Variants in NEK6 observed in about 807,000 individuals in gnomAD.
The protein encoded by NEK6 is serine/threonine-protein kinase Nek6.
A neutral mutation model predicts 43.5 loss-of-function variants in NEK6; 27 were observed. The observed-to-expected ratio is 0.62, with a 90% CI of 0.46 to 0.86. NEK6 has a LOEUF of 0.86. Ranked by LOEUF, NEK6 falls within the 40% of genes least tolerant of loss-of-function variation. The probability of loss-of-function intolerance (pLI) is 0.00; values close to 1 mark genes in which losing one functional copy is unlikely to be tolerated. For missense variants in NEK6, 318 were observed against 414.4 expected (o/e 0.77, Z 2.02); for synonymous variants, 167 against 164.1 (o/e 1.02, Z -0.14).
At chr9:124,315,750 G>A (rs113005987) in intron 4 of NEK6, among the ~76,000 whole-genome samples, 2,734 of 152,302 alleles carry the variant, frequency 0.018, 80 homozygotes, top group African/African-American at 0.063. Context: ...TGAGCCTGGC[G>A]TAAACCCACA....
chr9:124,289,979 C>T (rs1489083249), intron 1 of NEK6, among the ~76,000 whole-genome samples: 1 of 152,248 alleles, frequency 6.6e-6, no homozygotes, highest in East Asian at 1.9e-4. Context: ...TGGCCACATA[C>T]TTCCTAAGCC....
chr9:124,341,438 G>GTGGAACTGGTGCTTT, intron 8 of NEK6, among the ~76,000 whole-genome samples: 1 of 5,086 alleles, frequency 2.0e-4, no homozygotes, highest in Non-Finnish European at 3.0e-3. Context: ...ACAAGAGGGT[G>GTGGAACTGGTGCTTT]GGACCCCTTC....
intron 1 of NEK6, among the ~76,000 whole-genome samples, chr9:124,293,934 C>T (rs56141370): frequency 0.073 from 11,046 of 152,312 alleles, 520 homozygotes; most frequent in Non-Finnish European, 0.11. Flanking sequence ...AAGAAGGGGC[C>T]TTGGTGCCCC....
intron 1 of NEK6, among the ~76,000 whole-genome samples, chr9:124,266,696 A>G (rs1003017972): frequency 6.6e-6 from 1 of 152,236 alleles, no homozygotes; most frequent in Admixed American, 6.5e-5. Flanking sequence ...TGTGCCTGAC[A>G]CATAGGAGGA....
chr9:124,287,299 C>T (rs1832209291), intron 1 of NEK6, among the ~76,000 whole-genome samples: 1 of 152,188 alleles, frequency 6.6e-6, no homozygotes, highest in Non-Finnish European at 1.5e-5. Flanking sequence ...CCTGGTTGGG[C>T]CTGGGAATTC....
intron 1 of NEK6, among the ~76,000 whole-genome samples, chr9:124,268,074 A>C (rs1015699074): frequency 4.6e-5 from 7 of 152,198 alleles, no homozygotes; most frequent in Admixed American, 4.6e-4. Flanking sequence ...GGCATCTTTG[A>C]AATTACCCAG....
chr9:124,297,523 C>G (rs1479264010), intron 1 of NEK6, among the ~76,000 whole-genome samples: 1 of 152,220 alleles, frequency 6.6e-6, no homozygotes, highest in Non-Finnish European at 1.5e-5. Flanking sequence ...TGCCTGGGGA[C>G]ACACAGCACA....
chr9:124,326,207 C>G lies in NEK6; in HGVS notation c.406-123C>G, dbSNP rs536800113. The G allele has an allele frequency of 8.8e-5, 16 of 182,516 alleles. No individual in the cohort carries two copies. The highest frequency in any genetic ancestry group is 4.5e-4 in the East Asian group (6 of 13,468). 11.3% of individuals were successfully genotyped at this position (182,516 alleles called of 1,614,324 possible). A position where few individuals can be genotyped will look rare whatever the true frequency, so the allele number is the denominator to read the frequency against. ...TTGTTTGCTCAGTGGCTCAATCCCC[C>G]CCCCCCGCCCCTGCCAGGCACCAGT... On this transcript the variant is annotated intron_variant, in intron 5 of 9. Transcript: ENST00000320246. The surrounding 1 kb of genome is among the most constrained non-coding windows in gnomAD (Gnocchi z 4.5).
At chr9:124,314,985 C>T (rs956014043) in intron 4 of NEK6, among the ~76,000 whole-genome samples, 1 of 152,248 alleles carries the variant, frequency 6.6e-6, no homozygotes, top group Admixed American at 6.5e-5. Flanking sequence ...TGGATTTGCT[C>T]GGCAGTTTCC....
chr9:124,294,256 C>G (rs911628192), intron 1 of NEK6, among the ~76,000 whole-genome samples: 5 of 152,196 alleles, frequency 3.3e-5, no homozygotes, highest in African/African-American at 1.2e-4. Flanking sequence ...ATCTCAGCTA[C>G]TCGGGAGCCT....
At chr9:124,278,039 G>A (rs976017378) in intron 1 of NEK6, among the ~76,000 whole-genome samples, 8 of 152,234 alleles carry the variant, frequency 5.3e-5, no homozygotes, top group South Asian at 2.1e-4. Context: ...AGCAGACTGC[G>A]TATGTGACGT....
Position 124,351,152 on chromosome 9 carries a change from T to G in NEK6, c.*205T>G. On this transcript the variant is annotated 3_prime_UTR_variant, in exon 10 of 10. Transcript: ENST00000320246. ...TGGCCACATGTCACTGATGGTCAGA[T>G]TCCAAAGTCCTTTCTTTATACTGTT... 1.9e-6 allele frequency: 1 copy of G among 533,490 alleles called. No homozygotes were observed. Among genetic ancestry groups the G allele is most frequent in the Non-Finnish European group, 3.4e-6 (1 of 294,248 alleles). The allele number at this position is 533,490 out of a possible 1,614,324, so 33.0% of individuals were successfully genotyped here.
At chr9:124,299,540 G>A (rs922144659) in intron 1 of NEK6, among the ~76,000 whole-genome samples, 1 of 152,102 alleles carries the variant, frequency 6.6e-6, no homozygotes, top group African/African-American at 2.4e-5. Flanking sequence ...GCGCTCCAGT[G>A]CAAGAACTCG....
chr9:124,268,660 C>G (rs1665124432), intron 1 of NEK6, among the ~76,000 whole-genome samples: 1 of 152,180 alleles, frequency 6.6e-6, no homozygotes, highest in African/African-American at 2.4e-5. Context: ...CAGAATGAAC[C>G]AGAAACAATC....
chr9:124,347,888 C>A, intron 9 of NEK6, 66 bp downstream of exon 9: 1 of 902,666 alleles, frequency 1.1e-6, no homozygotes. Flanking sequence ...GAGGGCCGCT[C>A]CAAAACACCA....
intron 4 of NEK6, among the ~76,000 whole-genome samples, chr9:124,319,369 A>T (rs1233699056): frequency 6.6e-6 from 1 of 151,898 alleles, no homozygotes; most frequent in Non-Finnish European, 1.5e-5. Context: ...TGTCAGATGC[A>T]TAGTTTATGA....
intron 2 of NEK6, among the ~76,000 whole-genome samples, chr9:124,305,341 G>A (rs1198445200): frequency 2.6e-5 from 4 of 152,172 alleles, no homozygotes; most frequent in African/African-American, 9.7e-5. Flanking sequence ...GATCACCTGA[G>A]TCTGGAGTTC....
chr9:124,341,172 A>T (rs1049142567), intron 8 of NEK6, among the ~76,000 whole-genome samples: 5 of 152,152 alleles, frequency 3.3e-5, no homozygotes, highest in Admixed American at 6.5e-5. Context: ...CCTCCCAAGT[A>T]GCTGGGACTA....
intron 1 of NEK6, among the ~76,000 whole-genome samples, chr9:124,277,267 A>G (rs566439654): frequency 7.5e-4 from 114 of 152,306 alleles, no homozygotes; most frequent in Non-Finnish European, 1.2e-3. Context: ...CAACATGGTG[A>G]AATCCCACCT....
Sources: gnomAD v4.1 joint callset for allele counts (sites outside exome capture counted in the v4.1 genomes callset) on GRCh38, gnomAD v4.1.1 for gene constraint, Gnocchi (gnomAD v3.1) non-coding constraint, MANE v1.5 for transcripts, NCBI Gene and HGNC (gene_info 2026-07-23, HGNC 2026-07-21) for gene names.